CTNNA3: variants seen among roughly 807,000 people sequenced by gnomAD.
CTNNA3 encodes catenin alpha-3.
A neutral mutation model predicts 95.7 loss-of-function variants in CTNNA3; 76 were observed. The ratio of observed to expected loss-of-function variants is 0.79; its 90% CI spans 0.66 to 0.96. The LOEUF (loss-of-function observed/expected upper bound fraction) is 0.96, where lower values mean the gene tolerates loss of function less well. Among genes scored for constraint, CTNNA3 ranks in the 40% least tolerant of loss-of-function variants. The pLI is 0.00. For missense variants in CTNNA3, 1,191 were observed against 1,089.8 expected, an observed-to-expected ratio of 1.09 and a Z score of -1.31; for synonymous variants, 431 against 374.4, an observed-to-expected ratio of 1.15 and a Z score of -1.74.
At chr10:66,934,445 C>T (rs1485655951) in intron 7 of CTNNA3, among the ~76,000 whole-genome samples, 2 of 152,056 alleles carry the variant, frequency 1.3e-5, no homozygotes, top group African/African-American at 4.8e-5. Context: ...AGCATTATCT[C>T]CAAAAGAAAA....
intron 9 of CTNNA3, among the ~76,000 whole-genome samples, chr10:66,628,677 A>G (rs1284243772): frequency 1.3e-5 from 2 of 152,162 alleles, no homozygotes; most frequent in African/African-American, 4.8e-5. Context: ...AGAAGCATGA[A>G]GAAGGAAAAA....
At chr10:66,553,739 G>A (rs1011961107) in intron 10 of CTNNA3, among the ~76,000 whole-genome samples, 1 of 151,628 alleles carries the variant, frequency 6.6e-6, no homozygotes, top group Non-Finnish European at 1.5e-5. Flanking sequence ...TTGTGAGCCA[G>A]GATGGTGTCA....
At chr10:67,096,374 T>C (rs187556635) in intron 7 of CTNNA3, among the ~76,000 whole-genome samples, 103 of 151,820 alleles carry the variant, frequency 6.8e-4, no homozygotes, top group African/African-American at 2.3e-3. Flanking sequence ...ATGCAGTTAA[T>C]AAAAAAATAA....
At chr10:65,975,705 C>T (rs763150576) in intron 16 of CTNNA3, among the ~76,000 whole-genome samples, 4 of 152,020 alleles carry the variant, frequency 2.6e-5, no homozygotes, top group Non-Finnish European at 5.9e-5. Context: ...CTCAAAGCAC[C>T]ATTTTAATTA....
chr10:66,526,255 A>G (rs1841255554), intron 10 of CTNNA3, among the ~76,000 whole-genome samples: 1 of 152,062 alleles, frequency 6.6e-6, no homozygotes, highest in Non-Finnish European at 1.5e-5. Flanking sequence ...GCTCAATCTC[A>G]GCTCACAGCA....
At chr10:67,683,739 TTGTGTCCAGAGTTTGTTCCTTTAGA>T (rs1025818741) in intron 1 of CTNNA3, among the ~76,000 whole-genome samples, 1 of 150,494 alleles carries the variant, frequency 6.6e-6, no homozygotes, top group Non-Finnish European at 1.5e-5. Context: ...CTTAAAGATG[TTGTGTCCAGAGTTTGTTCCTTTAGA>T]TGTGTCCAGA....
chr10:67,078,647 G>A (rs1040313797), intron 7 of CTNNA3, among the ~76,000 whole-genome samples: 1 of 151,980 alleles, frequency 6.6e-6, no homozygotes, highest in African/African-American at 2.4e-5. Context: ...CTCCCAAGTA[G>A]CTGGGATTAC....
chr10:66,970,781 T>G (rs1849676474), intron 7 of CTNNA3, among the ~76,000 whole-genome samples: 1 of 152,122 alleles, frequency 6.6e-6, no homozygotes, highest in Non-Finnish European at 1.5e-5. Flanking sequence ...GCCCAAGTGA[T>G]ATTTGAATTA....
intron 9 of CTNNA3, among the ~76,000 whole-genome samples, chr10:66,733,353 T>C (rs72800785): frequency 0.018 from 2,695 of 152,152 alleles, 44 homozygotes; most frequent in Admixed American, 0.053. Context: ...AAACATTTAG[T>C]GGAAGCATAT....
At chr10:65,974,265 G>A (rs1427217612) in intron 16 of CTNNA3, among the ~76,000 whole-genome samples, 1 of 152,048 alleles carries the variant, frequency 6.6e-6, no homozygotes, top group African/African-American at 2.4e-5. Context: ...AAAATAAATT[G>A]TTCTACCCAA....
chr10:66,455,427 C>T (rs923748062), intron 11 of CTNNA3, among the ~76,000 whole-genome samples: 6 of 152,134 alleles, frequency 3.9e-5, no homozygotes, highest in Non-Finnish European at 5.9e-5. Flanking sequence ...AGGAGACCAG[C>T]AGGACTTATT....
chr10:67,020,025 C>T (rs966350874), intron 7 of CTNNA3, among the ~76,000 whole-genome samples: 3 of 152,104 alleles, frequency 2.0e-5, no homozygotes, highest in Non-Finnish European at 4.4e-5. Context: ...CAACTGCTTT[C>T]CCTCACTGTG....
At chr10:65,947,774 C>A (rs1399483574) in intron 17 of CTNNA3, among the ~76,000 whole-genome samples, 1 of 152,218 alleles carries the variant, frequency 6.6e-6, no homozygotes, top group Non-Finnish European at 1.5e-5. Context: ...TTGCCTAATT[C>A]AGTGTTATTG....
intron 12 of CTNNA3, among the ~76,000 whole-genome samples, chr10:66,296,332 T>C (rs907569562): frequency 1.3e-5 from 2 of 152,128 alleles, no homozygotes; most frequent in Admixed American, 1.3e-4. Context: ...TCAAATTGAT[T>C]ATAACTATAA....
chr10:67,634,172 T>A (rs1035712414), intron 2 of CTNNA3, among the ~76,000 whole-genome samples: 1 of 152,150 alleles, frequency 6.6e-6, no homozygotes, highest in Non-Finnish European at 1.5e-5. Flanking sequence ...TGGGGGCCAA[T>A]ATTTAACATT....
Position 66,839,270 on chromosome 10 carries a change from A to T in CTNNA3, c.1048-63746T>A, listed in dbSNP as rs1482515404. 2.0e-5 allele frequency among the ~76,000 whole-genome samples: 3 copies of T among 152,072 alleles called. No homozygotes were observed. In the East Asian group the frequency reaches 5.8e-4, roughly 29 times the overall value. ...ACCACTGCTGATTACCTACTTGATG[A>T]TGTTTGAGCTATGGGTTTATACTGG... On this transcript the variant is annotated intron_variant, in intron 7 of 17. Transcript: ENST00000433211.
chr10:67,015,125 G>A (rs1227903815), intron 7 of CTNNA3: 4 of 152,044 alleles, frequency 2.6e-5, no homozygotes, highest in Non-Finnish European at 5.9e-5. Context: ...TTAACCCCAT[G>A]CTATGTAGTT....
At chr10:66,734,086 T>C (rs1849051358) in intron 9 of CTNNA3, among the ~76,000 whole-genome samples, 1 of 151,996 alleles carries the variant, frequency 6.6e-6, no homozygotes, top group Non-Finnish European at 1.5e-5. Flanking sequence ...TCAATTCTTA[T>C]TTTTCACTTC....
intron 7 of CTNNA3, among the ~76,000 whole-genome samples, chr10:67,040,061 C>CT (rs948448777): frequency 4.6e-5 from 7 of 151,828 alleles, no homozygotes; most frequent in Non-Finnish European, 1.0e-4. Context: ...TCATCTCTCT[C>CT]TTTTTTTTGG....
Sources: allele counts gnomAD v4.1 joint callset (sites outside exome capture counted in the v4.1 genomes callset), GRCh38; gene constraint gnomAD v4.1.1; transcripts MANE v1.5; gene names NCBI Gene and HGNC (gene_info 2026-07-23, HGNC 2026-07-21).